The following RYR2 variants were observed in gnomAD, a reference collection of about 807,000 sequenced individuals.
RYR2 encodes the protein cardiac muscle ryanodine receptor-calcium release channel.
RYR2 carries 227 observed loss-of-function variants against 601.1 expected under a neutral mutation model. The observed-to-expected ratio is 0.38, with a 90% CI of 0.34 to 0.42. RYR2 has a LOEUF of 0.42. Among genes scored for constraint, RYR2 ranks in the 10% least tolerant of loss-of-function variants. The probability of loss-of-function intolerance (pLI) is 1.00; values close to 1 mark genes in which losing one functional copy is unlikely to be tolerated. For synonymous variants in RYR2, 2,223 were observed against 2,175.1 expected, an observed-to-expected ratio of 1.02 and a Z score of -0.61; for missense variants, 4,646 against 6,156.5, an observed-to-expected ratio of 0.75 and a Z score of 8.21.
Position 237,785,751 on chromosome 1 carries a change from G to C in RYR2, c.13261-218G>C, listed in dbSNP as rs71644906. On this transcript the variant is annotated intron_variant, in intron 90 of 104. Coordinates refer to ENST00000366574, the MANE Select transcript of RYR2 (RefSeq NM_001035.3). The stretch of plus-strand genomic sequence containing the variant: ...AGAAAAGAGAGTGAAAAGGAGTCCA[G>C]AAAGTTTGTCCCTGCTGCTGGTGCA... Among the ~76,000 whole-genome samples, 4,650 of 152,276 alleles carry C rather than the reference G, an allele frequency of 0.031. 96 individuals are homozygous for C. The highest frequency in any genetic ancestry group is 0.05 in the East Asian group (258 of 5,144).
intron 21 of RYR2, among the ~76,000 whole-genome samples, chr1:237,501,978 A>G (rs1664687875): frequency 6.6e-6 from 1 of 150,922 alleles, no homozygotes; most frequent in African/African-American, 2.5e-5. Flanking sequence ...CTATCTCTGC[A>G]AAAGTTTTGT....
At position 237,771,993 on chromosome 1, in the gene RYR2, A is replaced by AT. The variant is rs769193958; in HGVS notation, c.11558-12dup. The AT allele has an allele frequency of 7.1e-6, 10 of 1,412,056 alleles. No homozygotes were observed. The highest frequency in any genetic ancestry group is 3.7e-5 in the South Asian group (3 of 80,928). The allele number at this position is 1,412,056 out of a possible 1,614,324, so 87.5% of individuals were successfully genotyped here. A position where few individuals can be genotyped will look rare whatever the true frequency, so the allele number is the denominator to read the frequency against. ...GAACTTCTGAGCAAGCATTAATAAC[A>AT]TTTTTTTATCTTGCATAGATTTTCA... On this transcript the variant is annotated intron_variant, in intron 85 of 104. Coordinates refer to ENST00000366574, the MANE Select transcript of RYR2 (RefSeq NM_001035.3).
chr1:237,618,861 G>T (rs1355541772), intron 38 of RYR2, among the ~76,000 whole-genome samples: 1 of 152,134 alleles, frequency 6.6e-6, no homozygotes, highest in African/African-American at 2.4e-5. Context: ...AGAGGTTATG[G>T]AAGGAGAAGT....
At chr1:237,800,207 C>T (rs1659799202) in intron 97 of RYR2, 1 of 152,064 alleles carries the variant, frequency 6.6e-6, no homozygotes, top group Non-Finnish European at 1.5e-5. Flanking sequence ...TTCATACATC[C>T]TGATATAAAC....
At chr1:237,473,982 T>G (rs555669569) in intron 17 of RYR2, among the ~76,000 whole-genome samples, 1 of 152,132 alleles carries the variant, frequency 6.6e-6, no homozygotes, top group East Asian at 2.0e-4. Flanking sequence ...CTCCTGTCAT[T>G]TCTGTTGCCA....
chr1:237,120,781 G>A (rs550264656), intron 1 of RYR2: 1 of 152,408 alleles, frequency 6.6e-6, no homozygotes, highest in East Asian at 1.9e-4. Flanking sequence ...GGATGAATAA[G>A]GGCTTTTCAA....
At position 237,454,540 on chromosome 1, in the gene RYR2, C is replaced by A; in HGVS notation, c.1442C>A (p.Ala481Asp). 1 of 1,613,302 alleles carries A rather than the reference C, an allele frequency of 6.2e-7. No homozygotes were observed. The highest frequency in any genetic ancestry group is 8.5e-7 in the Non-Finnish European group (1 of 1,179,550). Residue 481 changes from alanine to aspartate, a missense_variant, in exon 15 of 105, where the codon GCC (alanine) becomes GAC (aspartate). Coordinates refer to ENST00000366574, the MANE Select transcript of RYR2 (RefSeq NM_001035.3). The stretch of plus-strand genomic sequence containing the variant: ...GAAGACAAACAGAACAGACTACGAG[C>A]CCTGAAGAATCGGCAAAATCTCTTC... Reference protein sequence around the residue: ...EHEDKQNRLRALKNRQNLFQE... With the variant: ...EHEDKQNRLRDLKNRQNLFQE...
At chr1:237,206,962 G>A (rs1249841214) in intron 1 of RYR2, among the ~76,000 whole-genome samples, 4 of 151,976 alleles carry the variant, frequency 2.6e-5, no homozygotes, top group Admixed American at 6.6e-5. Context: ...TATTCATAAC[G>A]GGCTATAGAA....
intron 8 of RYR2, among the ~76,000 whole-genome samples, chr1:237,381,733 C>T (rs761508675): frequency 6.6e-6 from 1 of 152,030 alleles, no homozygotes; most frequent in African/African-American, 2.4e-5. Flanking sequence ...ATTGCTGCAC[C>T]GTTGTCTGCT....
chr1:237,742,349 A>G lies in RYR2; in HGVS notation c.11145A>G (p.Glu3715=). 6.4e-7 allele frequency: 1 copy of G among 1,566,100 alleles called. No individual in the cohort carries two copies. Among genetic ancestry groups the G allele is most frequent in the South Asian group, 1.2e-5 (1 of 86,018 alleles). The part of the protein sequence containing the change: ...DDGEEEVKSF[E]EKEMEKQKLL... ...GTGAAGAGGAAGTGAAGAGTTTTGA[A>G]GTAAGATGGATCTTTCTGGATTTGC... The change falls in exon 80 of 105, where the codon GAA becomes GAG. Residue 3715 remains glutamate, a splice_region_variant and synonymous_variant. Transcript: ENST00000366574.
At chr1:237,383,509 A>G (rs1334671603) in intron 8 of RYR2, among the ~76,000 whole-genome samples, 2 of 134,242 alleles carry the variant, frequency 1.5e-5, no homozygotes, top group Non-Finnish European at 3.0e-5. Flanking sequence ...GGCTCGCTGC[A>G]AGCTCCACCT....
chr1:237,445,374 A>C, intron 13 of RYR2, 27 bp from the exon 14 acceptor site: 1 of 1,612,394 alleles, frequency 6.2e-7, no homozygotes. Context: ...CGTTGGGAGT[A>C]ATGGCCTTAT....
intron 2 of RYR2, among the ~76,000 whole-genome samples, chr1:237,274,233 C>T (rs192543322): frequency 1.5e-3 from 225 of 150,666 alleles, no homozygotes; most frequent in African/African-American, 5.1e-3. Flanking sequence ...ATATGTATCA[C>T]GTATATACAT....
chr1:237,438,652 C>G (rs1707621608), intron 12 of RYR2, among the ~76,000 whole-genome samples: 1 of 152,272 alleles, frequency 6.6e-6, no homozygotes, highest in Non-Finnish European at 1.5e-5. Context: ...CAGGATTTAG[C>G]CCATCTAATT....
chr1:237,450,543 G>A (rs1003286452), intron 14 of RYR2, among the ~76,000 whole-genome samples: 7 of 151,658 alleles, frequency 4.6e-5, no homozygotes, highest in African/African-American at 1.7e-4. Context: ...ATTATACTTT[G>A]TTTTTTTGGG....
At chr1:237,709,199 C>A in intron 69 of RYR2, 101 bp downstream of exon 69, 1 of 1,122,526 alleles carries the variant, frequency 8.9e-7, no homozygotes, top group Non-Finnish European at 1.3e-6. Context: ...TTGCCATGAG[C>A]TTGTTGGTAA....
chr1:237,628,370 C>CT lies in RYR2; in HGVS notation c.6440+291dup, dbSNP rs548192451. ...TATCTCCTAATGCTATCCCTCCCCC[C>CT]TCCCCCCACCCCACAACAGTCCCCA... On this transcript the variant is annotated intron_variant, in intron 41 of 104. Coordinates refer to ENST00000366574, the MANE Select transcript of RYR2 (RefSeq NM_001035.3). Among the ~76,000 whole-genome samples, 24 of 139,794 alleles carry CT rather than the reference C, an allele frequency of 1.7e-4. No homozygotes were observed. In the East Asian group the frequency reaches 5.0e-3, roughly 29 times the overall value. The allele number at this position is 139,794 out of a possible 152,430, so 91.7% of individuals were successfully genotyped here.
chr1:237,503,346 G>C lies in RYR2; in HGVS notation c.2454G>C (p.Gly818=), dbSNP rs769137517. The change falls in exon 22 of 105, where the codon GGG becomes GGC. Residue 818 remains glycine, a synonymous_variant. Transcript: ENST00000366574. ...AATTCAAATTTCTTCCTCCACCTGG[G>C]TATGCTCCTTGTTATGAAGCTGTTC... ...HGEFKFLPPP[G]YAPCYEAVLP... 3.7e-6 allele frequency: 6 copies of C among 1,613,728 alleles called. No individual in the cohort carries two copies. The highest frequency in any genetic ancestry group is 5.1e-6 in the Non-Finnish European group (6 of 1,179,870).
At chr1:237,611,271 A>T (rs1677838117) in intron 36 of RYR2, among the ~76,000 whole-genome samples, 1 of 152,190 alleles carries the variant, frequency 6.6e-6, no homozygotes. Flanking sequence ...AATGGCGAAT[A>T]AAAATTCAGA....
Sources: gnomAD v4.1 joint callset for allele counts (sites outside exome capture counted in the v4.1 genomes callset) on GRCh38, gnomAD v4.1.1 for gene constraint, MANE v1.5 for transcripts, NCBI Gene and HGNC (gene_info 2026-07-23, HGNC 2026-07-21) for gene names.